HNF4A: variants seen among roughly 807,000 people sequenced by gnomAD.
HNF4A encodes hepatocyte nuclear factor 4-alpha.
HNF4A carries 15 observed loss-of-function variants against 52.4 expected under a neutral mutation model. That is an observed-to-expected ratio of 0.29 (90% confidence interval 0.19 to 0.44). HNF4A has a LOEUF of 0.44. HNF4A is among the 20% of genes least tolerant of loss of function. The probability of loss-of-function intolerance (pLI) is 1.00; values close to 1 mark genes in which losing one functional copy is unlikely to be tolerated. For synonymous variants in HNF4A, 280 were observed against 264.4 expected, an observed-to-expected ratio of 1.06 and a Z score of -0.57; for missense variants, 479 against 647.2, an observed-to-expected ratio of 0.74 and a Z score of 2.82.
chr20:44,357,799 T>C (rs763890672), intron 1 of HNF4A, among the ~76,000 whole-genome samples: 3 of 151,666 alleles, frequency 2.0e-5, no homozygotes, highest in Non-Finnish European at 4.4e-5. Flanking sequence ...ATAAATAATA[T>C]TGTAATCTCC....
chr20:44,374,050 T>C (rs1001694953), intron 1 of HNF4A, among the ~76,000 whole-genome samples: 8 of 152,176 alleles, frequency 5.3e-5, no homozygotes, highest in African/African-American at 1.9e-4. Context: ...CATGGGTATA[T>C]TGTGTGACAC....
At chr20:44,380,327 C>G (rs2063138812) in intron 1 of HNF4A, among the ~76,000 whole-genome samples, 1 of 152,192 alleles carries the variant, frequency 6.6e-6, no homozygotes, top group African/African-American at 2.4e-5. Context: ...ACAGGTCTTG[C>G]TCTGTCACCC....
At chr20:44,359,197 A>G (rs79199535) in intron 1 of HNF4A, among the ~76,000 whole-genome samples, 2 of 152,302 alleles carry the variant, frequency 1.3e-5, no homozygotes, top group East Asian at 3.9e-4. Flanking sequence ...AAACAGCGCT[A>G]CAATGATGAT....
chr20:44,362,998 C>T (rs1230432253), intron 1 of HNF4A, among the ~76,000 whole-genome samples: 4 of 151,480 alleles, frequency 2.6e-5, no homozygotes, highest in Admixed American at 6.6e-5. Flanking sequence ...GGGTTACAAG[C>T]GCCTGCCACC....
chr20:44,368,975 C>T (rs1159045284), intron 1 of HNF4A, among the ~76,000 whole-genome samples: 10 of 151,812 alleles, frequency 6.6e-5, no homozygotes, highest in Non-Finnish European at 1.5e-4. Context: ...AGGCTGGGCA[C>T]GGTGGCTCAC....
At chr20:44,419,605 C>A in intron 6 of HNF4A, 116 bp from the exon 7 acceptor site, 1 of 917,326 alleles carries the variant, frequency 1.1e-6, no homozygotes, top group Non-Finnish European at 1.8e-6. Flanking sequence ...AGTCACCATC[C>A]CTGCAGGTCC....
chr20:44,392,950 G>C (rs940464050), intron 1 of HNF4A, among the ~76,000 whole-genome samples: 3 of 152,244 alleles, frequency 2.0e-5, no homozygotes, highest in Non-Finnish European at 4.4e-5. Context: ...GAGAACCTTT[G>C]TGCAGTGAGC....
At chr20:44,367,540 C>T (rs1281282955) in intron 1 of HNF4A, among the ~76,000 whole-genome samples, 1 of 150,340 alleles carries the variant, frequency 6.7e-6, no homozygotes, top group Non-Finnish European at 1.5e-5. Context: ...ACTCAGGAGG[C>T]TGAGACAGGA....
intron 1 of HNF4A, among the ~76,000 whole-genome samples, chr20:44,376,222 G>A (rs1392008656): frequency 6.6e-6 from 1 of 152,190 alleles, no homozygotes; most frequent in Non-Finnish European, 1.5e-5. Context: ...CCGAGATCAT[G>A]CCACTGCACT....
intron 1 of HNF4A, among the ~76,000 whole-genome samples, chr20:44,356,660 GTA>G (rs2062862042): frequency 1.3e-5 from 2 of 152,152 alleles, no homozygotes; most frequent in Admixed American, 6.5e-5. Flanking sequence ...GGATATAGAT[GTA>G]TATATGTACA....
intron 1 of HNF4A, among the ~76,000 whole-genome samples, chr20:44,380,059 A>G (rs948041292): frequency 6.6e-6 from 1 of 151,066 alleles, no homozygotes; most frequent in African/African-American, 2.4e-5. Context: ...TATATTGTTT[A>G]GTAGATTTGG....
In HNF4A at chr20:44,419,863, C is replaced by T; in HGVS notation, c.879C>T (p.Ile293=). 2 of 1,614,158 alleles carry T rather than the reference C, an allele frequency of 1.2e-6. No individual in the cohort carries two copies. The highest frequency in any genetic ancestry group is 1.7e-6 in the Non-Finnish European group (2 of 1,179,990). ...AGTATGCCTACCTCAAAGCCATCAT[C>T]TTCTTTGACCCAGGTACAGTGCACA... The change falls in exon 7 of 10, where the codon ATC becomes ATT. Residue 293 remains isoleucine (I), a synonymous_variant. Transcript: ENST00000316099.
In HNF4A at chr20:44,367,496, T is replaced by C. The variant is rs1196503014; in HGVS notation, c.49+11643T>C. ...CCGTCTTTACTAAAATTACAAAAAT[T>C]AGCTGGGTGTGGCACATGGCTGTAG... is the stretch of plus-strand genomic sequence containing the variant. On this transcript the variant is annotated intron_variant, in intron 1 of 9. Coordinates refer to the HNF4A transcript ENST00000316673. Among the ~76,000 whole-genome samples the C allele has an allele frequency of 2.0e-5, 3 of 147,480 alleles. No individual in the cohort carries two copies. In the East Asian group the frequency reaches 6.1e-4, roughly 30 times the overall value.
rs538685159 is a variant in HNF4A, at chr20:44,388,437, G to GC, written c.50-17620dup. Among the ~76,000 whole-genome samples, 7 of 145,144 alleles carry GC rather than the reference G, an allele frequency of 4.8e-5. No homozygotes were observed. In the South Asian group the frequency reaches 1.3e-3, roughly 27 times the overall value. On this transcript the variant is annotated intron_variant, in intron 1 of 9. Coordinates refer to the HNF4A transcript ENST00000316673. ...CAGAAGTTTAGTAGGTGGTGGAAGG[G>GC]CAGCGGCTGCTACCCTGGGAACTGG... is the stretch of plus-strand genomic sequence containing the variant.
At chr20:44,412,594 C>G (rs6065726) in intron 3 of HNF4A, among the ~76,000 whole-genome samples, 30,005 of 151,890 alleles carry the variant, frequency 0.2, 3,158 homozygotes, top group African/African-American at 0.24. Flanking sequence ...GAGCAGCAGG[C>G]GACATGACTT....
In HNF4A at chr20:44,406,060, A is replaced by G; in HGVS notation, c.118A>G (p.Thr40Ala). 1 of 1,612,142 alleles carries G rather than the reference A, an allele frequency of 6.2e-7. No homozygotes were observed. Among genetic ancestry groups the G allele is most frequent in the Non-Finnish European group, 8.5e-7 (1 of 1,179,870 alleles). Residue 40 changes from threonine to alanine, a missense_variant and splice_region_variant, in exon 2 of 10, where the codon ACG becomes GCG. Physicochemically the swap from Thr to Ala is moderately conservative, Grantham distance 58 (BLOSUM62 0). This residue lies in a region of HNF4A where 90 missense variants were observed against 105.5 expected (regional missense o/e 0.85). Coordinates refer to ENST00000316099, the MANE Select transcript of HNF4A (RefSeq NM_000457.6). ...CACTCCCTTCTCTCCTGGCGCAGAC[A>G]CGTCCCCATCAGAAGGCACCAACCT...
At position 44,429,554 on chromosome 20, in the gene HNF4A, A is replaced by C. The variant is rs753697717; in HGVS notation, c.1314A>C (p.Pro438=). 1 of 1,613,974 alleles carries C rather than the reference A, an allele frequency of 6.2e-7. No homozygotes were observed. Among genetic ancestry groups the C allele is most frequent in the Non-Finnish European group, 8.5e-7 (1 of 1,179,956 alleles). ...CTGAGACCCCACAGCCCTCACCGCC[A>C]GGTGGCTCAGGGTCTGAGCCCTATA... The change falls in exon 10 of 10, where the codon CCA becomes CCC. Residue 438 remains proline (P), a synonymous_variant. Coordinates refer to ENST00000316099, the MANE Select transcript of HNF4A (RefSeq NM_000457.6).
intron 1 of HNF4A, among the ~76,000 whole-genome samples, chr20:44,403,799 C>G (rs1600701201): frequency 6.6e-6 from 1 of 152,160 alleles, no homozygotes; most frequent in Non-Finnish European, 1.5e-5. Context: ...GCCTCAGTGT[C>G]CTCATCTGTG....
At chr20:44,419,307 A>G (rs2063710791) in intron 6 of HNF4A, among the ~76,000 whole-genome samples, 1 of 152,244 alleles carries the variant, frequency 6.6e-6, no homozygotes, top group Non-Finnish European at 1.5e-5. Context: ...TATAGATAAG[A>G]AAACTGAGGC....
Sources: gnomAD v4.1 joint callset for allele counts (sites outside exome capture counted in the v4.1 genomes callset) on GRCh38, gnomAD v4.1.1 for gene constraint, gnomAD v4.1.1 regional missense constraint, MANE v1.5 for transcripts, NCBI Gene and HGNC (gene_info 2026-07-23, HGNC 2026-07-21) for gene names.